Variants in MACROH2A2 observed in about 807,000 individuals in gnomAD.
MACROH2A2 encodes macroH2A.2 histone, also known as core histone macro-H2A.2.
A neutral mutation model predicts 37.6 loss-of-function variants in MACROH2A2; 6 were observed. The ratio of observed to expected loss-of-function variants is 0.16; its 90% CI spans 0.09 to 0.32. MACROH2A2 has a LOEUF of 0.32. Ranked by LOEUF, MACROH2A2 falls within the 10% of genes least tolerant of loss-of-function variation. The pLI is 1.00. For missense variants in MACROH2A2, 290 were observed against 485.9 expected (o/e 0.60, Z 3.79); for synonymous variants, 192 against 202.7 (o/e 0.95, Z 0.45).
At chr10:70,111,493 C>G (rs753354817) in intron 8 of MACROH2A2, 25 bp from the exon 9 acceptor site, 1 of 1,606,018 alleles carries the variant, frequency 6.2e-7, no homozygotes. Context: ...AAAATGACAT[C>G]GGCTCTTCTT....
intron 1 of MACROH2A2, among the ~76,000 whole-genome samples, chr10:70,062,763 G>GA (rs1274604995): frequency 1.3e-5 from 2 of 151,980 alleles, no homozygotes; most frequent in Admixed American, 1.3e-4. Context: ...CTTGACTGTA[G>GA]AAAAAAATGG....
At chr10:70,093,405 T>C (rs1240376421) in intron 4 of MACROH2A2, among the ~76,000 whole-genome samples, 1 of 152,146 alleles carries the variant, frequency 6.6e-6, no homozygotes, top group Non-Finnish European at 1.5e-5. Context: ...AGCAATGGGC[T>C]ATCAACGGCC....
chr10:70,072,707 A>T (rs2072117607), intron 1 of MACROH2A2, among the ~76,000 whole-genome samples: 1 of 152,118 alleles, frequency 6.6e-6, no homozygotes, highest in African/African-American at 2.4e-5. Flanking sequence ...CTGTAATCCC[A>T]CCACTTTGGG....
chr10:70,074,898 A>T (rs2072131776), intron 1 of MACROH2A2, among the ~76,000 whole-genome samples: 1 of 152,224 alleles, frequency 6.6e-6, no homozygotes, highest in Non-Finnish European at 1.5e-5. Context: ...AACCATTATA[A>T]TGGGCAAAGT....
chr10:70,080,663 C>T (rs1273492558), intron 2 of MACROH2A2, among the ~76,000 whole-genome samples: 1 of 151,854 alleles, frequency 6.6e-6, no homozygotes, highest in African/African-American at 2.4e-5. Context: ...GAGTGGATCA[C>T]CTGAGGTCAG....
At chr10:70,108,044 C>T (rs891941841) in intron 7 of MACROH2A2, among the ~76,000 whole-genome samples, 3 of 151,756 alleles carry the variant, frequency 2.0e-5, no homozygotes, top group African/African-American at 7.3e-5. Context: ...CATAGCAAAA[C>T]CTCATCTCTA....
chr10:70,105,460 G>A (rs948557625), intron 7 of MACROH2A2, among the ~76,000 whole-genome samples: 11 of 152,214 alleles, frequency 7.2e-5, no homozygotes, highest in Non-Finnish European at 1.6e-4. Flanking sequence ...CAGAGGTGCA[G>A]CCAGACCCAT....
At chr10:70,079,565 G>GCGCACACACACACACACACACA (rs1386558755) in intron 2 of MACROH2A2, among the ~76,000 whole-genome samples, 1 of 126,216 alleles carries the variant, frequency 7.9e-6, no homozygotes, top group Non-Finnish European at 1.6e-5. Context: ...GCGCGCGCGC[G>GCGCACACACACACACACACACA]CACACACACA....
At chr10:70,079,565 G>GCGCACACACACACACA (rs1386558755) in intron 2 of MACROH2A2, among the ~76,000 whole-genome samples, 3 of 126,264 alleles carry the variant, frequency 2.4e-5, no homozygotes, top group South Asian at 2.7e-4. Flanking sequence ...GCGCGCGCGC[G>GCGCACACACACACACA]CACACACACA....
chr10:70,061,891 G>T (rs762413386), intron 1 of MACROH2A2, among the ~76,000 whole-genome samples: 1 of 152,078 alleles, frequency 6.6e-6, no homozygotes, highest in African/African-American at 2.4e-5. Flanking sequence ...CATATATGAC[G>T]ATAAAATTAT....
At chr10:70,104,906 CAA>C (rs908951983) in intron 7 of MACROH2A2, among the ~76,000 whole-genome samples, 1 of 151,272 alleles carries the variant, frequency 6.6e-6, no homozygotes, top group East Asian at 1.9e-4. Flanking sequence ...AATATTTAAA[CAA>C]AAAAAAAGTG....
At chr10:70,086,743 C>G (rs139492077) in intron 2 of MACROH2A2, among the ~76,000 whole-genome samples, 320 of 152,260 alleles carry the variant, frequency 2.1e-3, no homozygotes, top group Admixed American at 4.6e-3. Context: ...TTGGGAGGCT[C>G]ATTAACCCCC....
At position 70,107,485 on chromosome 10, in the gene MACROH2A2, G is replaced by C. The variant is rs1486315757; in HGVS notation, c.779-1548G>C. Reference sequence around the variant, plus strand: ...TCCTGGAGGGGCACAGGGCGCAGACGGGCAGCGTGGGGGCAAGCATGGCTC... The same window carrying C: ...TCCTGGAGGGGCACAGGGCGCAGACCGGCAGCGTGGGGGCAAGCATGGCTC... On this transcript the variant is annotated intron_variant, in intron 7 of 8. Transcript: ENST00000373255. This position sits in a 1 kb window ranked among gnomAD's most constrained non-coding sequence, Gnocchi z 4.4. Among the ~76,000 whole-genome samples, 1 of 152,150 alleles carries C rather than the reference G, an allele frequency of 6.6e-6. No homozygotes were observed. The highest frequency in any genetic ancestry group is 1.5e-5 in the Non-Finnish European group (1 of 68,028).
rs182402820 is a variant in MACROH2A2 at position 70,103,774 on chromosome 10, T to C, written c.778+3477T>C. 1.4e-4 allele frequency among the ~76,000 whole-genome samples: 22 copies of C among 152,024 alleles called. No homozygotes were observed. The East Asian group carries it at 4.0e-3, about 28-fold the overall frequency. On this transcript the variant is annotated intron_variant, in intron 7 of 8. Coordinates refer to ENST00000373255, the MANE Select transcript of MACROH2A2 (RefSeq NM_018649.3). Reference sequence around the variant, plus strand: ...GATGGCTCTTCTACTGACAGCAGACTTCTCATCAGCAAAAAAAAAGATGTG... The same window carrying C: ...GATGGCTCTTCTACTGACAGCAGACCTCTCATCAGCAAAAAAAAAGATGTG...
chr10:70,111,278 AAATT>A (rs558696690), intron 8 of MACROH2A2, among the ~76,000 whole-genome samples: 2 of 152,134 alleles, frequency 1.3e-5, no homozygotes, highest in Non-Finnish European at 2.9e-5. Context: ...CAAAACAAAT[AAATT>A]AATTTAATCA....
chr10:70,111,626 C>T lies in MACROH2A2; in HGVS notation c.1062C>T (p.Phe354=), dbSNP rs145574275. 1.4e-4 allele frequency: 230 copies of T among 1,613,356 alleles called. No individual in the cohort carries two copies. In the African/African-American group the frequency reaches 2.2e-3, roughly 15 times the overall value. ...SSLKNVYFLL[F]DSESIGIYVQ... ...TGAAGAACGTGTACTTCCTGCTCTT[C>T]GACAGCGAGAGCATCGGCATCTACG... The change falls in exon 9 of 9, where the codon TTC becomes TTT. Residue 354 remains phenylalanine, a synonymous_variant. Transcript: ENST00000373255.
chr10:70,061,300 A>C (rs559649271), intron 1 of MACROH2A2, among the ~76,000 whole-genome samples: 13 of 152,342 alleles, frequency 8.5e-5, no homozygotes, highest in Admixed American at 3.9e-4. Flanking sequence ...CAGGAAGGCA[A>C]ACTGGTTCAT....
At chr10:70,105,790 G>A (rs1376933254) in intron 7 of MACROH2A2, among the ~76,000 whole-genome samples, 1 of 152,172 alleles carries the variant, frequency 6.6e-6, no homozygotes, top group Non-Finnish European at 1.5e-5. Context: ...ATGAGACAAG[G>A]CAGAGGAAAC....
chr10:70,091,870 C>G lies in MACROH2A2; in HGVS notation c.393C>G (p.Pro131=). ...KGKSETILSP[P]PEKRGRKATS... ...AGTCGGAAACGATCCTCTCCCCACCCCCAGAGAAAAGAGGCAGGAAGGCCA... is the reference window on the plus strand; with the variant it reads ...AGTCGGAAACGATCCTCTCCCCACCGCCAGAGAAAAGAGGCAGGAAGGCCA... The change falls in exon 4 of 9, where the codon CCC becomes CCG. Residue 131 remains proline, a synonymous_variant. Coordinates refer to ENST00000373255, the MANE Select transcript of MACROH2A2 (RefSeq NM_018649.3). 1 of 1,614,004 alleles carries G rather than the reference C, an allele frequency of 6.2e-7. No homozygotes were observed. Among genetic ancestry groups the G allele is most frequent in the East Asian group, 2.2e-5 (1 of 44,870 alleles).
Sources: allele counts gnomAD v4.1 joint callset (sites outside exome capture counted in the v4.1 genomes callset), GRCh38; gene constraint gnomAD v4.1.1; non-coding constraint Gnocchi (gnomAD v3.1); transcripts MANE v1.5; gene names NCBI Gene and HGNC (gene_info 2026-07-23, HGNC 2026-07-21).